The following FANK1 variants were observed in gnomAD, a reference collection of about 807,000 sequenced individuals.
FANK1 encodes the protein fibronectin type 3 and ankyrin repeat domains protein 1.
FANK1 carries 44 observed loss-of-function variants against 45.3 expected under a neutral mutation model. The ratio of observed to expected loss-of-function variants is 0.97; its 90% CI spans 0.76 to 1.25. The LOEUF (loss-of-function observed/expected upper bound fraction) is 1.25. Among genes scored for constraint, FANK1 ranks in the 50% most tolerant of loss-of-function variants. The probability of loss-of-function intolerance (pLI) is 0.00; values close to 1 mark genes in which losing one functional copy is unlikely to be tolerated. For missense variants in FANK1, 391 were observed against 424.4 expected, an observed-to-expected ratio of 0.92 and a Z score of 0.69; for synonymous variants, 149 against 152.5, an observed-to-expected ratio of 0.98 and a Z score of 0.17.
chr10:125,986,264 C>G (rs748100733), intron 2 of FANK1, among the ~76,000 whole-genome samples: 4 of 152,108 alleles, frequency 2.6e-5, no homozygotes, highest in Non-Finnish European at 4.4e-5. Context: ...CCTCAATGTG[C>G]TTAGTCTTTT....
At chr10:125,981,160 T>A (rs541292408) in intron 2 of FANK1, among the ~76,000 whole-genome samples, 1 of 152,220 alleles carries the variant, frequency 6.6e-6, no homozygotes. Context: ...GGCTGTTATA[T>A]AGCAGGCCTT....
At position 126,009,393 on chromosome 10, in the gene FANK1, AGAAAG is replaced by A. The variant is rs775336401; in HGVS notation, c.998_1002del (p.Arg333LysfsTer29). On this transcript the variant is annotated frameshift_variant, in exon 11 of 11. Transcript: ENST00000368693. LOFTEE classifies it high-confidence loss of function. ...TCTAGAGTGTAGTCTCCTTATTAGA[AGAAAG>A]GAAAAAAAAGCAGAGGCCAAAGAAG... 3 of 1,614,076 alleles carry A rather than the reference AGAAAG, an allele frequency of 1.9e-6. No individual in the cohort carries two copies. The highest frequency in any genetic ancestry group is 2.5e-6 in the Non-Finnish European group (3 of 1,180,008).
intron 1 of FANK1, among the ~76,000 whole-genome samples, chr10:125,912,476 GTGTGTGTGTGTT>G (rs1396381446): frequency 9.3e-5 from 10 of 107,702 alleles, no homozygotes; most frequent in African/African-American, 2.8e-4. Flanking sequence ...GTGTGTGTGT[GTGTGTGTGTGTT>G]TTTGAGATTA....
chr10:125,928,968 G>A (rs374774626), intron 1 of FANK1, among the ~76,000 whole-genome samples: 150 of 152,324 alleles, frequency 9.8e-4, no homozygotes, highest in African/African-American at 3.3e-3. Context: ...TATGGATAAC[G>A]TTTTTGGTTG....
chr10:125,921,865 G>C (rs1349627479), intron 1 of FANK1, among the ~76,000 whole-genome samples: 4 of 152,110 alleles, frequency 2.6e-5, no homozygotes, highest in Non-Finnish European at 2.9e-5. Flanking sequence ...TCTGCTAGAG[G>C]CTTCCTCATT....
At chr10:125,940,634 A>G (rs564161721) in intron 1 of FANK1, among the ~76,000 whole-genome samples, 45 of 151,996 alleles carry the variant, frequency 3.0e-4, no homozygotes, top group African/African-American at 8.0e-4. Context: ...CTCTTTTACT[A>G]TTCCTCCTCA....
intron 1 of FANK1, among the ~76,000 whole-genome samples, chr10:125,945,771 C>T (rs960324759): frequency 2.6e-4 from 39 of 152,226 alleles, no homozygotes; most frequent in African/African-American, 8.9e-4. Context: ...GGCCTGCCTG[C>T]CTCTGTAGGC....
Position 125,996,637 on chromosome 10 carries a change from T to C in FANK1, c.473+13T>C, listed in dbSNP as rs1486675946. 1.2e-6 allele frequency: 2 copies of C among 1,606,516 alleles called. No homozygotes were observed. The highest frequency in any genetic ancestry group is 2.2e-5 in the East Asian group (1 of 44,802). On this transcript the variant is annotated intron_variant, in intron 5 of 10. Transcript: ENST00000368693. ...AAGGATACACCAGGTATGGCTCTTCTTTTTTTTAAATCTCTCTTGGGGATT... is the reference window on the plus strand; with the variant it reads ...AAGGATACACCAGGTATGGCTCTTCCTTTTTTTAAATCTCTCTTGGGGATT...
At chr10:125,978,629 TG>T (rs1012333181) in intron 1 of FANK1, among the ~76,000 whole-genome samples, 2 of 152,188 alleles carry the variant, frequency 1.3e-5, no homozygotes, top group African/African-American at 4.8e-5. Flanking sequence ...TATGCTGTAC[TG>T]GGGGATCCCT....
At chr10:125,936,104 G>C (rs189042714) in intron 1 of FANK1, among the ~76,000 whole-genome samples, 1 of 152,004 alleles carries the variant, frequency 6.6e-6, no homozygotes, top group Non-Finnish European at 1.5e-5. Flanking sequence ...TTTATATTAG[G>C]ACAAATGGAA....
At chr10:125,954,408 T>A (rs1033478234) in intron 1 of FANK1, among the ~76,000 whole-genome samples, 5 of 152,198 alleles carry the variant, frequency 3.3e-5, no homozygotes, top group African/African-American at 1.2e-4. Flanking sequence ...CCCAAACACT[T>A]GGCACAGTAT....
chr10:125,939,621 G>A (rs1036397330), intron 1 of FANK1, among the ~76,000 whole-genome samples: 4 of 152,124 alleles, frequency 2.6e-5, no homozygotes, highest in South Asian at 2.1e-4. Context: ...ACTAATCCCC[G>A]TATCTCTTTA....
rs78063169 is a variant in FANK1 at position 125,905,088 on chromosome 10, G to A, written c.13+8433G>A. ...GGACCTTGCAGTGAGCTGAAACTGCGCCACTGCACTCCAGCCCAGGTGACA... is the reference window on the plus strand; with the variant it reads ...GGACCTTGCAGTGAGCTGAAACTGCACCACTGCACTCCAGCCCAGGTGACA... On this transcript the variant is annotated intron_variant, in intron 1 of 10. Coordinates refer to ENST00000368693, the MANE Select transcript of FANK1 (RefSeq NM_145235.5). Among the ~76,000 whole-genome samples the A allele has an allele frequency of 9.5e-5, 13 of 136,448 alleles. 1 individual carries two copies. Among genetic ancestry groups the A allele is most frequent in the South Asian group, 2.5e-4 (1 of 4,060 alleles). The allele number at this position is 136,448 out of a possible 152,430, so 89.5% of individuals were successfully genotyped here. A position where few individuals can be genotyped will look rare whatever the true frequency, so the allele number is the denominator to read the frequency against.
chr10:125,993,141 T>C (rs1451726750), intron 3 of FANK1, among the ~76,000 whole-genome samples: 1 of 152,210 alleles, frequency 6.6e-6, no homozygotes, highest in Non-Finnish European at 1.5e-5. Flanking sequence ...TACAGCTTAA[T>C]TCATAGGATT....
chr10:125,930,917 C>T (rs1173463388), intron 1 of FANK1, among the ~76,000 whole-genome samples: 1 of 152,144 alleles, frequency 6.6e-6, no homozygotes, highest in Non-Finnish European at 1.5e-5. Flanking sequence ...CATTCTTATG[C>T]CTTTGCATCT....
Position 126,005,053 on chromosome 10 carries a change from C to A in FANK1, c.705+4C>A, listed in dbSNP as rs117261217. On this transcript the variant is annotated splice_donor_region_variant and intron_variant, in intron 7 of 10. Transcript: ENST00000368693. Reference sequence around the variant, plus strand: ...GATGATAAAGGATGGCTGTGAGGTACGGGACCTGCCTTGTTAACCACGCAC... The same window carrying A: ...GATGATAAAGGATGGCTGTGAGGTAAGGGACCTGCCTTGTTAACCACGCAC... 3 of 1,610,888 alleles carry A rather than the reference C, an allele frequency of 1.9e-6. No individual in the cohort carries two copies. The highest frequency in any genetic ancestry group is 2.2e-5 in the East Asian group (1 of 44,804).
At chr10:125,911,666 C>A (rs907534612) in intron 1 of FANK1, among the ~76,000 whole-genome samples, 8 of 152,280 alleles carry the variant, frequency 5.3e-5, no homozygotes, top group African/African-American at 1.9e-4. Flanking sequence ...GAGTGAATAC[C>A]TCTTTCGCAC....
chr10:125,949,402 A>G (rs1010493875), intron 1 of FANK1, among the ~76,000 whole-genome samples: 16 of 152,206 alleles, frequency 1.1e-4, no homozygotes, highest in African/African-American at 3.1e-4. Flanking sequence ...CCTTAAGCTG[A>G]TAAACAACTT....
At chr10:125,985,053 C>A (rs1041960178) in intron 2 of FANK1, among the ~76,000 whole-genome samples, 1 of 152,240 alleles carries the variant, frequency 6.6e-6, no homozygotes, top group Non-Finnish European at 1.5e-5. Flanking sequence ...CAAGAATCTT[C>A]AGCCTTTGAC....
Sources: allele counts gnomAD v4.1 joint callset (sites outside exome capture counted in the v4.1 genomes callset), GRCh38; gene constraint gnomAD v4.1.1; transcripts MANE v1.5; gene names NCBI Gene and HGNC (gene_info 2026-07-23, HGNC 2026-07-21).